TMEM132C: variants seen among roughly 807,000 people sequenced by gnomAD.
TMEM132C encodes transmembrane protein 132C.
A neutral mutation model predicts 61.4 loss-of-function variants in TMEM132C; 29 were observed. The observed-to-expected ratio is 0.47, with a 90% CI of 0.35 to 0.64. The LOEUF (loss-of-function observed/expected upper bound fraction) is 0.64, where lower values mean the gene tolerates loss of function less well. Among genes scored for constraint, TMEM132C ranks in the 30% least tolerant of loss-of-function variants. The pLI is 0.00. For synonymous variants in TMEM132C, 656 were observed against 633.1 expected, an observed-to-expected ratio of 1.04 and a Z score of -0.54; for missense variants, 1,408 against 1,476.9, an observed-to-expected ratio of 0.95 and a Z score of 0.76.
chr12:128,522,218 G>A (rs563301467), intron 2 of TMEM132C, among the ~76,000 whole-genome samples: 19 of 152,244 alleles, frequency 1.2e-4, no homozygotes, highest in Admixed American at 2.6e-4. Flanking sequence ...ACAATTAGCC[G>A]CGCACACATC....
At chr12:128,333,486 CTGTTGTGTGTG>C (rs1000813699) in intron 1 of TMEM132C, among the ~76,000 whole-genome samples, 9 of 147,952 alleles carry the variant, frequency 6.1e-5, no homozygotes, top group Non-Finnish European at 9.0e-5. Flanking sequence ...TGTGCTGTGT[CTGTTGTGTGTG>C]TGTTGTGTGT....
chr12:128,585,665 G>A (rs929918425), intron 3 of TMEM132C, among the ~76,000 whole-genome samples: 6 of 152,184 alleles, frequency 3.9e-5, no homozygotes, highest in South Asian at 2.1e-4. Context: ...AAGAAATACC[G>A]CAAAGTCAAA....
intron 2 of TMEM132C, among the ~76,000 whole-genome samples, chr12:128,523,519 A>G (rs1189429333): frequency 6.6e-6 from 1 of 152,256 alleles, no homozygotes; most frequent in African/African-American, 2.4e-5. Flanking sequence ...GCAGAGCTGG[A>G]CCCAGGAGTT....
chr12:128,499,184 G>C lies in TMEM132C; in HGVS notation c.975-44773G>C, dbSNP rs1167002668. Reference sequence around the variant, plus strand: ...GGTACTGGCATATAAATAGACACATGGATAAATGGAATAGAATTGAAAGTC... The same window carrying C: ...GGTACTGGCATATAAATAGACACATCGATAAATGGAATAGAATTGAAAGTC... On this transcript the variant is annotated intron_variant, in intron 2 of 8. Coordinates refer to ENST00000435159, the MANE Select transcript of TMEM132C (RefSeq NM_001136103.3). Among the ~76,000 whole-genome samples, 3 of 152,076 alleles carry C rather than the reference G, an allele frequency of 2.0e-5. No individual in the cohort carries two copies. In the South Asian group the frequency reaches 6.2e-4, roughly 32 times the overall value.
Position 128,314,117 on chromosome 12 carries a change from CAA to C in TMEM132C, c.85+46631_85+46632del, listed in dbSNP as rs1263224111. On this transcript the variant is annotated intron_variant, in intron 1 of 8. Coordinates refer to ENST00000435159, the MANE Select transcript of TMEM132C (RefSeq NM_001136103.3). ...TAATAGCTCTTGGCACAAAAGCAAA[CAA>C]GAGTCTCTCGGAGATCAAAGGACTT... Among the ~76,000 whole-genome samples, 8 of 152,294 alleles carry C rather than the reference CAA, an allele frequency of 5.3e-5. No individual in the cohort carries two copies. The South Asian group carries it at 1.0e-3, about 20-fold the overall frequency.
chr12:128,533,507 A>G (rs1322871266), intron 2 of TMEM132C, among the ~76,000 whole-genome samples: 1 of 152,086 alleles, frequency 6.6e-6, no homozygotes, highest in Non-Finnish European at 1.5e-5. Context: ...GGCAGGGTTG[A>G]TTCCTTCTGA....
chr12:128,694,954 C>G (rs1419464548), intron 6 of TMEM132C, among the ~76,000 whole-genome samples: 1 of 152,186 alleles, frequency 6.6e-6, no homozygotes, highest in East Asian at 1.9e-4. Context: ...CCTCTCTGTG[C>G]CTTAGTTTCC....
chr12:128,489,632 A>T (rs1204288748), intron 2 of TMEM132C, among the ~76,000 whole-genome samples: 1 of 150,250 alleles, frequency 6.7e-6, no homozygotes, highest in Non-Finnish European at 1.5e-5. Flanking sequence ...TTTAGGTCTG[A>T]TCATGCTACT....
intron 8 of TMEM132C, among the ~76,000 whole-genome samples, chr12:128,698,174 T>G (rs1954779070): frequency 1.7e-5 from 2 of 118,848 alleles, no homozygotes; most frequent in African/African-American, 2.6e-5. Flanking sequence ...ACTGAATGAC[T>G]CTTAGAATTG....
intron 3 of TMEM132C, among the ~76,000 whole-genome samples, chr12:128,586,922 G>T (rs1347505543): frequency 6.6e-6 from 1 of 152,184 alleles, no homozygotes; most frequent in Admixed American, 6.5e-5. Context: ...AGAGGTCACA[G>T]GACATGGGAA....
chr12:128,435,967 C>T (rs1869574269), intron 2 of TMEM132C, among the ~76,000 whole-genome samples: 1 of 152,130 alleles, frequency 6.6e-6, no homozygotes, highest in African/African-American at 2.4e-5. Flanking sequence ...ACCAATGGAA[C>T]AGAACAGAGG....
intron 1 of TMEM132C, among the ~76,000 whole-genome samples, chr12:128,324,203 G>C (rs544115770): frequency 1.3e-5 from 2 of 152,290 alleles, no homozygotes; most frequent in African/African-American, 4.8e-5. Flanking sequence ...AGTGCAAATA[G>C]AGGGTTGCTT....
Position 128,495,000 on chromosome 12 carries a change from C to G in TMEM132C, c.975-48957C>G, listed in dbSNP as rs1283816235. ...GGCATTTAGTGCTATAAATTTCCCT[C>G]TACACACTGCTTTGAATGTGTTCCA... On this transcript the variant is annotated intron_variant, in intron 2 of 8. Transcript: ENST00000435159. Among the ~76,000 whole-genome samples the G allele has an allele frequency of 3.6e-3, 478 of 131,854 alleles. 6 individuals are homozygous for G. The highest frequency in any genetic ancestry group is 0.012 in the African/African-American group (448 of 36,250). 86.5% of individuals were successfully genotyped at this position (131,854 alleles called of 152,430 possible).
chr12:128,417,875 A>G (rs1868835872), intron 2 of TMEM132C, among the ~76,000 whole-genome samples: 1 of 152,172 alleles, frequency 6.6e-6, no homozygotes, highest in Admixed American at 6.5e-5. Flanking sequence ...CCATTGTACT[A>G]TGATTTTGTT....
At chr12:128,288,055 CTTTTTTT>C (rs547550461) in intron 1 of TMEM132C, 2 of 135,190 alleles carry the variant, frequency 1.5e-5, no homozygotes, top group African/African-American at 2.8e-5. Context: ...TCCTCTCTTA[CTTTTTTT>C]TTTTTTTTTT....
At chr12:128,489,378 A>G (rs1390015784) in intron 2 of TMEM132C, among the ~76,000 whole-genome samples, 2 of 56,896 alleles carry the variant, frequency 3.5e-5, no homozygotes, top group Non-Finnish European at 8.9e-5. Flanking sequence ...TAAAAGCTGG[A>G]AAAAAAAAAA....
rs184315027 is a variant in TMEM132C, at chr12:128,604,860, G to C, written c.1122-11292G>C. Among the ~76,000 whole-genome samples, 18 of 151,024 alleles carry C rather than the reference G, an allele frequency of 1.2e-4. No individual in the cohort carries two copies. The East Asian group carries it at 2.2e-3, about 18-fold the overall frequency. Reference sequence around the variant, plus strand: ...GGATAGATAGACAGACAGATGGCTAGATAAATGATGGATAGATGGATGATA... The same window carrying C: ...GGATAGATAGACAGACAGATGGCTACATAAATGATGGATAGATGGATGATA... On this transcript the variant is annotated intron_variant, in intron 3 of 8. Transcript: ENST00000435159.
At chr12:128,502,541 C>T (rs1872218634) in intron 2 of TMEM132C, among the ~76,000 whole-genome samples, 1 of 152,164 alleles carries the variant, frequency 6.6e-6, no homozygotes, top group African/African-American at 2.4e-5. Context: ...AGGGCAGATC[C>T]TATGTAGGTA....
chr12:128,349,580 TC>T (rs2135961370), intron 1 of TMEM132C, among the ~76,000 whole-genome samples: 1 of 152,216 alleles, frequency 6.6e-6, no homozygotes, highest in East Asian at 1.9e-4. Context: ...TAATTGCCAC[TC>T]ATAGGTTCTT....
Sources: allele counts gnomAD v4.1 joint callset (sites outside exome capture counted in the v4.1 genomes callset), GRCh38; gene constraint gnomAD v4.1.1; transcripts MANE v1.5; gene names NCBI Gene and HGNC (gene_info 2026-07-23, HGNC 2026-07-21).